NFIB: variants seen among roughly 807,000 people sequenced by gnomAD.
NFIB encodes nuclear factor 1 B-type.
A neutral mutation model predicts 61.5 loss-of-function variants in NFIB; 11 were observed. That is an observed-to-expected ratio of 0.18 (90% CI 0.11 to 0.30). NFIB has a LOEUF of 0.30. NFIB is among the 10% of genes least tolerant of loss of function. NFIB has a pLI of 1.00. For synonymous variants in NFIB, 260 were observed against 216.5 expected (o/e 1.20, Z -1.76); for missense variants, 471 against 608.9 (o/e 0.77, Z 2.38).
chr9:14,200,313 A>G (rs2048895999), intron 2 of NFIB, among the ~76,000 whole-genome samples: 1 of 152,210 alleles, frequency 6.6e-6, no homozygotes, highest in African/African-American at 2.4e-5. Context: ...TTTCATCAGA[A>G]GTTTCTTAAA....
chr9:14,138,004 A>C (rs561298742), intron 6 of NFIB, among the ~76,000 whole-genome samples: 4 of 152,244 alleles, frequency 2.6e-5, no homozygotes, highest in Non-Finnish European at 4.4e-5. Context: ...CATAAACATA[A>C]TATCTCAATG....
At position 14,393,388 on chromosome 9, in the gene NFIB, T is replaced by A. The variant is rs138936323; in HGVS notation, c.108+5136A>T. Among the ~76,000 whole-genome samples the A allele has an allele frequency of 2.3e-4, 35 of 152,294 alleles. 1 individual carries two copies. The highest frequency in any genetic ancestry group is 7.9e-4 in the African/African-American group (33 of 41,584). ...TTCCTTCTACTTCATTCATTAAGCC[T>A]CTTTGACCCTGCCCCCAACTCAGAT... On this transcript the variant is annotated intron_variant, in intron 1 of 8. Coordinates refer to the NFIB transcript ENST00000380934.
chr9:14,182,746 G>GTGTT (rs2046944484), intron 2 of NFIB, among the ~76,000 whole-genome samples: 12 of 149,640 alleles, frequency 8.0e-5, no homozygotes, highest in African/African-American at 3.0e-4. Context: ...GTGTGTGTGT[G>GTGTT]TGTGTGTGTG....
At chr9:14,205,282 G>GGAAA in intron 2 of NFIB, among the ~76,000 whole-genome samples, 1 of 132,464 alleles carries the variant, frequency 7.5e-6, no homozygotes, top group Non-Finnish European at 1.6e-5. Context: ...GTGGGAGGGA[G>GGAAA]GGAAAGAAGA....
intron 2 of NFIB, among the ~76,000 whole-genome samples, chr9:14,186,359 A>G (rs1431782865): frequency 6.6e-6 from 1 of 152,168 alleles, no homozygotes; most frequent in Non-Finnish European, 1.5e-5. Context: ...CCCATTGTCA[A>G]TGAAAGAATA....
intron 2 of NFIB, among the ~76,000 whole-genome samples, chr9:14,237,034 A>G (rs1383308209): frequency 6.6e-6 from 1 of 152,130 alleles, no homozygotes; most frequent in East Asian, 1.9e-4. Flanking sequence ...ATACTTGTGC[A>G]TATGGTATCC....
chr9:14,354,780 C>CTG (rs67877825), intron 1 of NFIB, among the ~76,000 whole-genome samples: 20,749 of 145,596 alleles, frequency 0.14, 1,390 homozygotes, highest in South Asian at 0.2. Context: ...AATGGGTACT[C>CTG]TGTGTGTGTG....
intron 2 of NFIB, among the ~76,000 whole-genome samples, chr9:14,252,511 T>C (rs963053790): frequency 2.0e-5 from 3 of 152,296 alleles, no homozygotes; most frequent in African/African-American, 7.2e-5. Context: ...AGAAGTGTCA[T>C]GATTTTTAAA....
intron 2 of NFIB, among the ~76,000 whole-genome samples, chr9:14,302,000 T>G (rs956883993): frequency 2.6e-5 from 4 of 152,192 alleles, no homozygotes; most frequent in Non-Finnish European, 4.4e-5. Flanking sequence ...AGTGCTCCCC[T>G]AAATCAAACA....
At chr9:14,527,895 A>G in the NFIB span, among the ~76,000 whole-genome samples, 1 of 152,164 alleles carries the variant, frequency 6.6e-6, no homozygotes, top group Non-Finnish European at 1.5e-5. Context: ...ATATCTTTGC[A>G]TGGCTGGTAG....
chr9:14,438,497 C>G, the NFIB span, among the ~76,000 whole-genome samples: 1 of 152,172 alleles, frequency 6.6e-6, no homozygotes, highest in East Asian at 1.9e-4. Context: ...GTGATTTTCC[C>G]CCTTGCTTAT....
chr9:14,282,444 T>G (rs2058434087), intron 2 of NFIB, among the ~76,000 whole-genome samples: 2 of 152,166 alleles, frequency 1.3e-5, no homozygotes. Context: ...AGTAGAGATG[T>G]GAAAATTAAA....
chr9:14,087,900 T>G lies in NFIB; in HGVS notation c.*409A>C. 4.3e-6 allele frequency: 1 copy of G among 232,782 alleles called. No homozygotes were observed. The highest frequency in any genetic ancestry group is 6.2e-5 in the East Asian group (1 of 16,210). The allele number at this position is 232,782 out of a possible 1,614,324, so 14.4% of individuals were successfully genotyped here. Reference sequence around the variant, plus strand: ...ATATTAAGGCATCTAGAAAGTCAGTTAAAATATATTGTCATAGAGACAGAA... The same window carrying G: ...ATATTAAGGCATCTAGAAAGTCAGTGAAAATATATTGTCATAGAGACAGAA... On this transcript the variant is annotated 3_prime_UTR_variant, in exon 11 of 11. Coordinates refer to ENST00000380953, the MANE Select transcript of NFIB (RefSeq NM_001190737.2).
chr9:14,267,098 C>T (rs1232682980), intron 2 of NFIB, among the ~76,000 whole-genome samples: 2 of 152,036 alleles, frequency 1.3e-5, no homozygotes, highest in African/African-American at 4.8e-5. Flanking sequence ...TGAAAAGAGG[C>T]ATGCCAACTT....
At chr9:14,346,786 G>C (rs2061028420) in intron 1 of NFIB, among the ~76,000 whole-genome samples, 1 of 152,236 alleles carries the variant, frequency 6.6e-6, no homozygotes, top group African/African-American at 2.4e-5. Context: ...CTTGAGGGGG[G>C]GATCTTTTCT....
chr9:14,187,257 G>GT (rs926236379), intron 2 of NFIB, among the ~76,000 whole-genome samples: 2 of 151,902 alleles, frequency 1.3e-5, no homozygotes, highest in African/African-American at 4.8e-5. Flanking sequence ...TTGTTTGTTT[G>GT]TTTTTTTAGT....
chr9:14,137,926 T>G (rs188887267), intron 6 of NFIB, among the ~76,000 whole-genome samples: 5 of 152,250 alleles, frequency 3.3e-5, no homozygotes, highest in African/African-American at 4.8e-5. Flanking sequence ...TTATGTGCAT[T>G]CATCTGTATT....
the NFIB span, among the ~76,000 whole-genome samples, chr9:14,457,177 T>C: frequency 5.3e-5 from 8 of 152,144 alleles, no homozygotes; most frequent in African/African-American, 1.9e-4. Context: ...TGGAAAAACA[T>C]ATTAGGAGCT....
intron 1 of NFIB, among the ~76,000 whole-genome samples, chr9:14,325,761 G>T (rs997082306): frequency 1.3e-5 from 2 of 151,740 alleles, no homozygotes; most frequent in Admixed American, 1.3e-4. Context: ...AAAGATAGTG[G>T]CATATTTAGG....
Sources: gnomAD v4.1 joint callset for allele counts (sites outside exome capture counted in the v4.1 genomes callset) on GRCh38, gnomAD v4.1.1 for gene constraint, MANE v1.5 for transcripts, NCBI Gene and HGNC (gene_info 2026-07-23, HGNC 2026-07-21) for gene names.